DGKB: variants seen among roughly 807,000 people sequenced by gnomAD.
DGKB encodes 90 kDa diacylglycerol kinase.
DGKB carries 67 observed loss-of-function variants against 114.3 expected under a neutral mutation model. The ratio of observed to expected loss-of-function variants is 0.59; its 90% CI spans 0.48 to 0.72. The LOEUF (loss-of-function observed/expected upper bound fraction) is 0.72, where lower values mean the gene tolerates loss of function less well. DGKB is among the 30% of genes least tolerant of loss of function. The probability of loss-of-function intolerance (pLI) is 0.00; values close to 1 mark genes in which losing one functional copy is unlikely to be tolerated. For missense variants in DGKB, 907 were observed against 975.2 expected (o/e 0.93, Z 0.93); for synonymous variants, 398 against 323.1 (o/e 1.23, Z -2.49).
At chr7:14,545,523 A>C (rs1264490313) in intron 20 of DGKB, among the ~76,000 whole-genome samples, 1 of 152,216 alleles carries the variant, frequency 6.6e-6, no homozygotes, top group Non-Finnish European at 1.5e-5. Flanking sequence ...AGATGTCTAC[A>C]TCAGATGTGG....
chr7:14,844,208 C>T (rs1418272847), intron 1 of DGKB, among the ~76,000 whole-genome samples: 1 of 152,192 alleles, frequency 6.6e-6, no homozygotes, highest in Admixed American at 6.5e-5. Flanking sequence ...GGCAAGTGCC[C>T]TTTCAACCTT....
intron 21 of DGKB, among the ~76,000 whole-genome samples, chr7:14,367,872 A>T (rs971889014): frequency 6.6e-6 from 1 of 151,954 alleles, no homozygotes; most frequent in African/African-American, 2.4e-5. Flanking sequence ...CTATCACCAG[A>T]ACAGCATGGG....
chr7:14,403,634 C>T (rs73679722), intron 21 of DGKB, among the ~76,000 whole-genome samples: 216 of 152,056 alleles, frequency 1.4e-3, no homozygotes, highest in African/African-American at 4.8e-3. Context: ...TTAGGGAACC[C>T]TAATTAGTGT....
At chr7:14,580,505 T>C (rs1799765459) in intron 19 of DGKB, among the ~76,000 whole-genome samples, 1 of 152,196 alleles carries the variant, frequency 6.6e-6, no homozygotes, top group Admixed American at 6.5e-5. Context: ...CCTTTGTTTG[T>C]GATTTTACCT....
chr7:14,565,832 C>T (rs746624120), intron 20 of DGKB, among the ~76,000 whole-genome samples: 5 of 152,010 alleles, frequency 3.3e-5, no homozygotes, highest in South Asian at 2.1e-4. Flanking sequence ...CCATGTCATT[C>T]GCCATGTGAC....
At chr7:14,947,687 T>C (rs1466947134) in intron 1 of DGKB, among the ~76,000 whole-genome samples, 1 of 151,738 alleles carries the variant, frequency 6.6e-6, no homozygotes, top group Non-Finnish European at 1.5e-5. Context: ...TGTGTTAACA[T>C]GTATGTTCAA....
At chr7:14,535,862 G>T (rs1278158652) in intron 20 of DGKB, among the ~76,000 whole-genome samples, 1 of 152,070 alleles carries the variant, frequency 6.6e-6, no homozygotes, top group African/African-American at 2.4e-5. Context: ...TGGGATTATA[G>T]GCATGAGCCA....
At chr7:14,668,584 A>T (rs1279181381) in intron 13 of DGKB, among the ~76,000 whole-genome samples, 1 of 152,124 alleles carries the variant, frequency 6.6e-6, no homozygotes, top group Non-Finnish European at 1.5e-5. Flanking sequence ...TGAAAACAAA[A>T]TGAATTTATA....
At chr7:14,451,545 GTC>G (rs34641587) in intron 21 of DGKB, among the ~76,000 whole-genome samples, 4,070 of 140,906 alleles carry the variant, frequency 0.029, 80 homozygotes, top group African/African-American at 0.06. Context: ...CTCTCTATCT[GTC>G]TCTCTCTCTC....
At chr7:14,599,825 T>C (rs1803228756) in intron 17 of DGKB, among the ~76,000 whole-genome samples, 1 of 152,160 alleles carries the variant, frequency 6.6e-6, no homozygotes, top group South Asian at 2.1e-4. Flanking sequence ...TAAGCTATCA[T>C]CAGTTAACTG....
chr7:14,711,232 G>A (rs909458129), intron 6 of DGKB, among the ~76,000 whole-genome samples: 2 of 151,932 alleles, frequency 1.3e-5, no homozygotes, highest in Admixed American at 6.6e-5. Flanking sequence ...AATTCATCAA[G>A]GAAGAAAGTT....
intron 2 of DGKB, among the ~76,000 whole-genome samples, chr7:14,761,637 C>A (rs886924039): frequency 6.6e-6 from 1 of 152,152 alleles, no homozygotes; most frequent in Non-Finnish European, 1.5e-5. Context: ...GATAGTAAGA[C>A]GTGGCCTCAG....
chr7:14,563,363 A>G (rs1796948123), intron 20 of DGKB, among the ~76,000 whole-genome samples: 1 of 152,186 alleles, frequency 6.6e-6, no homozygotes, highest in Non-Finnish European at 1.5e-5. Flanking sequence ...AATGAAATAT[A>G]TATTTGGTTT....
chr7:14,959,378 GTT>G (rs71549904), intron 1 of DGKB, among the ~76,000 whole-genome samples: 4 of 146,032 alleles, frequency 2.7e-5, no homozygotes, highest in Admixed American at 6.9e-5. Flanking sequence ...GTGAAATAGA[GTT>G]TTTTTTTTTT....
intron 17 of DGKB, among the ~76,000 whole-genome samples, chr7:14,600,094 T>C (rs1803275658): frequency 6.6e-6 from 1 of 152,176 alleles, no homozygotes; most frequent in African/African-American, 2.4e-5. Context: ...AACAGATTTG[T>C]TGTCTGGTAA....
At position 14,852,279 on chromosome 7, in the gene DGKB, A is replaced by AGT. The variant is rs143744648; in HGVS notation, c.-187-10831_-187-10830dup. Reference sequence around the variant, plus strand: ...TTACATTTTAGCATATGCTGAAAGAAGTGTGTGTGTGTGTGTGTTTGTGTG... The same window carrying AGT: ...TTACATTTTAGCATATGCTGAAAGAAGTGTGTGTGTGTGTGTGTGTTTGTGTG... On this transcript the variant is annotated intron_variant, in intron 1 of 25. Coordinates refer to ENST00000402815, the MANE Select transcript of DGKB (RefSeq NM_001350709.2). Among the ~76,000 whole-genome samples the AGT allele has an allele frequency of 2.5e-3, 369 of 149,716 alleles. 1 individual carries two copies. Among genetic ancestry groups the AGT allele is most frequent in the African/African-American group, 5.8e-3 (237 of 40,974 alleles).
chr7:14,180,112 C>G (rs1054632262), intron 23 of DGKB, among the ~76,000 whole-genome samples: 7 of 152,112 alleles, frequency 4.6e-5, no homozygotes, highest in Admixed American at 3.3e-4. Flanking sequence ...ATTTATAAAA[C>G]AACAACTACC....
chr7:14,471,923 A>C lies in DGKB; in HGVS notation c.1835+6238T>G, dbSNP rs572919456. The stretch of plus-strand genomic sequence containing the variant: ...AAAGCAGAAAGTAGTACAGAAATAA[A>C]TCACATACTTCTGACCAGGGGGCTG... On this transcript the variant is annotated intron_variant, in intron 21 of 25. Transcript: ENST00000402815. 3.2e-4 allele frequency among the ~76,000 whole-genome samples: 49 copies of C among 152,268 alleles called. 1 individual carries two copies. The South Asian group carries it at 3.7e-3, about 12-fold the overall frequency.
intron 13 of DGKB, among the ~76,000 whole-genome samples, chr7:14,648,211 G>C (rs1337291161): frequency 1.3e-5 from 2 of 152,226 alleles, no homozygotes; most frequent in Non-Finnish European, 2.9e-5. Context: ...CAAACAAAAA[G>C]ACAGCAGTAA....
Sources: allele counts gnomAD v4.1 joint callset (sites outside exome capture counted in the v4.1 genomes callset), GRCh38; gene constraint gnomAD v4.1.1; transcripts MANE v1.5; gene names NCBI Gene and HGNC (gene_info 2026-07-23, HGNC 2026-07-21).